The following GLT1D1 variants were observed in gnomAD, a reference collection of about 807,000 sequenced individuals.
GLT1D1 encodes glycosyltransferase 1 domain containing 1, also known as glycosyltransferase 1 domain-containing protein 1.
Under a neutral mutation model 28.7 loss-of-function variants are expected in GLT1D1, and 21 were observed. The observed-to-expected ratio is 0.73, with a 90% confidence interval of 0.52 to 1.05. The LOEUF is 1.05. Ranked by LOEUF, GLT1D1 falls within the 50% of genes least tolerant of loss-of-function variation. The pLI is 0.00. For missense variants in GLT1D1, 343 were observed against 330.6 expected, an observed-to-expected ratio of 1.04 and a Z score of -0.29; for synonymous variants, 147 against 124.8, an observed-to-expected ratio of 1.18 and a Z score of -1.19.
chr12:128,924,736 T>C (rs1457930767), intron 4 of GLT1D1, among the ~76,000 whole-genome samples: 4 of 152,150 alleles, frequency 2.6e-5, no homozygotes, highest in South Asian at 2.1e-4. Context: ...AGCCTCATTC[T>C]TAAGAATGAG....
intron 2 of GLT1D1, among the ~76,000 whole-genome samples, chr12:128,877,401 A>G (rs951879362): frequency 6.6e-6 from 1 of 152,172 alleles, no homozygotes; most frequent in Non-Finnish European, 1.5e-5. Context: ...TTTTTACTGA[A>G]GGTGATTTTT....
At chr12:128,981,084 AT>A (rs1472057022) in intron 7 of GLT1D1, among the ~76,000 whole-genome samples, 3 of 152,102 alleles carry the variant, frequency 2.0e-5, no homozygotes, top group Non-Finnish European at 4.4e-5. Context: ...TTCAAGAGAG[AT>A]TTTTGCTTTT....
intron 1 of GLT1D1, among the ~76,000 whole-genome samples, chr12:128,862,982 C>T (rs532084070): frequency 5.9e-5 from 9 of 152,110 alleles, no homozygotes; most frequent in Non-Finnish European, 1.2e-4. Flanking sequence ...TTCCAGAGGG[C>T]GTAGGGTCCA....
At position 128,942,634 on chromosome 12, in the gene GLT1D1, G is replaced by A. The variant is rs150703628; in HGVS notation, c.376-2692G>A. Among the ~76,000 whole-genome samples the A allele has an allele frequency of 1.5e-3, 222 of 151,990 alleles. 1 individual carries two copies. The highest frequency in any genetic ancestry group is 5.1e-3 in the African/African-American group (211 of 41,404). On this transcript the variant is annotated intron_variant, in intron 4 of 7. Coordinates refer to ENST00000281703, the MANE Select transcript of GLT1D1 (RefSeq NM_144669.3). ...CATGGAAGACGCCATCAGGTTTTCC[G>A]TCCACCTCTCCTACTGCCCCACTTC... is the stretch of plus-strand genomic sequence containing the variant.
intron 1 of GLT1D1, among the ~76,000 whole-genome samples, chr12:128,854,147 C>T (rs1956146344): frequency 6.6e-6 from 1 of 152,250 alleles, no homozygotes; most frequent in South Asian, 2.1e-4. Context: ...TGTCTATTCT[C>T]GTCTTCCTGG....
chr12:128,932,425 G>A (rs1207927941), intron 4 of GLT1D1, among the ~76,000 whole-genome samples: 1 of 152,214 alleles, frequency 6.6e-6, no homozygotes, highest in Non-Finnish European at 1.5e-5. Context: ...AGGGTAGCTG[G>A]GAGAGGCGGC....
At chr12:128,916,024 T>C (rs1253907499) in intron 4 of GLT1D1, among the ~76,000 whole-genome samples, 1 of 152,212 alleles carries the variant, frequency 6.6e-6, no homozygotes, top group Non-Finnish European at 1.5e-5. Flanking sequence ...CCATATTTAA[T>C]TTCTGTCTCT....
At chr12:128,857,587 T>C (rs1364790008) in intron 1 of GLT1D1, among the ~76,000 whole-genome samples, 1 of 152,122 alleles carries the variant, frequency 6.6e-6, no homozygotes, top group African/African-American at 2.4e-5. Context: ...CCTTGGTGAC[T>C]GAGAGTCCCT....
chr12:128,867,680 C>T (rs1362411213), intron 1 of GLT1D1, among the ~76,000 whole-genome samples: 1 of 152,176 alleles, frequency 6.6e-6, no homozygotes, highest in East Asian at 1.9e-4. Context: ...AGAAAGCTGA[C>T]CTGGAGACTC....
intron 7 of GLT1D1, among the ~76,000 whole-genome samples, chr12:128,971,240 G>A (rs937533948): frequency 1.3e-5 from 2 of 152,138 alleles, no homozygotes; most frequent in African/African-American, 4.8e-5. Context: ...TGGGTGCTTA[G>A]ATCCCATGTA....
chr12:128,968,027 C>T (rs1163175655), intron 7 of GLT1D1, among the ~76,000 whole-genome samples: 5 of 152,096 alleles, frequency 3.3e-5, no homozygotes, highest in Admixed American at 1.3e-4. Flanking sequence ...GACAGAGTCT[C>T]GCTCTGTCGC....
At chr12:128,965,452 T>C (rs2135530038) in intron 7 of GLT1D1, among the ~76,000 whole-genome samples, 1 of 152,332 alleles carries the variant, frequency 6.6e-6, no homozygotes, top group East Asian at 1.9e-4. Context: ...GCTCGTGGGA[T>C]GCTGAGCTGA....
intron 4 of GLT1D1, among the ~76,000 whole-genome samples, 166 bp downstream of exon 8, chr12:128,927,320 C>A (rs1265519626): frequency 6.6e-6 from 1 of 152,034 alleles, no homozygotes; most frequent in Admixed American, 6.6e-5. Context: ...CTCACTGCAA[C>A]CTCTACCTCC....
At chr12:128,865,349 TTA>T (rs1192835468) in intron 1 of GLT1D1, among the ~76,000 whole-genome samples, 1 of 152,186 alleles carries the variant, frequency 6.6e-6, no homozygotes, top group East Asian at 1.9e-4. Context: ...CAACTAGTAA[TTA>T]TATATATTTA....
At chr12:128,975,088 C>T (rs1163028280) in intron 7 of GLT1D1, among the ~76,000 whole-genome samples, 3 of 152,222 alleles carry the variant, frequency 2.0e-5, no homozygotes, top group Non-Finnish European at 4.4e-5. Context: ...TCCCACGCTC[C>T]GTCACTCCTG....
chr12:128,938,031 A>G (rs983376078), intron 4 of GLT1D1, among the ~76,000 whole-genome samples: 3 of 152,202 alleles, frequency 2.0e-5, no homozygotes, highest in African/African-American at 4.8e-5. Flanking sequence ...CTTATGAACT[A>G]TATCTGAGGA....
chr12:128,874,304 C>A (rs1956820713), intron 1 of GLT1D1, among the ~76,000 whole-genome samples: 1 of 151,080 alleles, frequency 6.6e-6, no homozygotes, highest in East Asian at 1.9e-4. Flanking sequence ...GCCTCAGCCT[C>A]CCCAGTAGCT....
chr12:128,922,937 A>C (rs1187176023), intron 4 of GLT1D1, among the ~76,000 whole-genome samples: 1 of 108,708 alleles, frequency 9.2e-6, no homozygotes, highest in Non-Finnish European at 2.0e-5. Flanking sequence ...AAAAAAAAAA[A>C]AAAAAAAAAG....
intron 4 of GLT1D1, 55 bp downstream of exon 4, chr12:128,899,342 C>T (rs963802257): frequency 7.5e-6 from 11 of 1,476,066 alleles, no homozygotes; most frequent in East Asian, 2.3e-5. Context: ...TTGCAGAATT[C>T]GAGAACCGAA....
Sources: gnomAD v4.1 joint callset for allele counts (sites outside exome capture counted in the v4.1 genomes callset) on GRCh38, gnomAD v4.1.1 for gene constraint, MANE v1.5 for transcripts, NCBI Gene and HGNC (gene_info 2026-07-23, HGNC 2026-07-21) for gene names.